SMARCAL1: variants seen among roughly 807,000 people sequenced by gnomAD.
SMARCAL1 encodes ATP-driven annealing helicase.
A neutral mutation model predicts 94.5 loss-of-function variants in SMARCAL1; 58 were observed. The observed-to-expected ratio is 0.61, with a 90% confidence interval of 0.50 to 0.76. The LOEUF (loss-of-function observed/expected upper bound fraction) is 0.76. Among genes scored for constraint, SMARCAL1 ranks in the 30% least tolerant of loss-of-function variants. The pLI is 0.00. For synonymous variants in SMARCAL1, 422 were observed against 455.1 expected, an observed-to-expected ratio of 0.93 and a Z score of 0.93; for missense variants, 1,051 against 1,177.9, an observed-to-expected ratio of 0.89 and a Z score of 1.58.
At chr2:216,439,550 A>G (rs905735497) in intron 10 of SMARCAL1, among the ~76,000 whole-genome samples, 2 of 152,194 alleles carry the variant, frequency 1.3e-5, no homozygotes, top group African/African-American at 4.8e-5. Flanking sequence ...TTATTGATTA[A>G]AAGAAGCTTT....
Position 216,435,506 on chromosome 2 carries a change from T to A in SMARCAL1, c.1644+10T>A. ...TAAAGTTGTCATCATTGTAAGAAAC[T>A]TGGCAAAGTCTTTAAGTACTTTATC... is the stretch of plus-strand genomic sequence containing the variant. On this transcript the variant is annotated intron_variant, in intron 9 of 17. Coordinates refer to ENST00000357276, the MANE Select transcript of SMARCAL1 (RefSeq NM_014140.4). 6.2e-7 allele frequency: 1 copy of A among 1,613,272 alleles called. No homozygotes were observed. The highest frequency in any genetic ancestry group is 8.5e-7 in the Non-Finnish European group (1 of 1,179,200).
At chr2:216,438,720 C>T (rs1694131710) in intron 10 of SMARCAL1, among the ~76,000 whole-genome samples, 1 of 152,128 alleles carries the variant, frequency 6.6e-6, no homozygotes, top group Admixed American at 6.5e-5. Flanking sequence ...GTCAGTAGTG[C>T]TGCCTTTGTC....
intron 10 of SMARCAL1, among the ~76,000 whole-genome samples, chr2:216,439,303 C>G: frequency 6.9e-6 from 1 of 145,126 alleles, no homozygotes; most frequent in South Asian, 2.2e-4. Flanking sequence ...AGAGGGTAGT[C>G]CTCCAAATTT....
chr2:216,415,643 T>C (rs1444413962), intron 3 of SMARCAL1, 128 bp downstream of exon 3: 1 of 928,380 alleles, frequency 1.1e-6, no homozygotes, highest in South Asian at 1.5e-5. Context: ...TTGTTAAAAA[T>C]TTTTCAATTT....
chr2:216,428,071 T>C (rs1693876986), intron 6 of SMARCAL1, among the ~76,000 whole-genome samples: 1 of 152,204 alleles, frequency 6.6e-6, no homozygotes, highest in Non-Finnish European at 1.5e-5. Flanking sequence ...AAATAATGGC[T>C]ACTCTTCTAA....
intron 10 of SMARCAL1, among the ~76,000 whole-genome samples, chr2:216,442,644 G>T (rs1324634359): frequency 6.6e-6 from 1 of 152,054 alleles, no homozygotes; most frequent in East Asian, 1.9e-4. Context: ...TTTTACACTT[G>T]CCTTTATCCC....
intron 10 of SMARCAL1, among the ~76,000 whole-genome samples, chr2:216,445,984 C>G (rs762117524): frequency 4.6e-5 from 7 of 152,162 alleles, no homozygotes; most frequent in Non-Finnish European, 8.8e-5. Flanking sequence ...GTCATTAACT[C>G]AAGGTTACAG....
At chr2:216,449,928 C>T (rs150868512) in intron 11 of SMARCAL1, among the ~76,000 whole-genome samples, 2,117 of 152,090 alleles carry the variant, frequency 0.014, 57 homozygotes, top group African/African-American at 0.049. Flanking sequence ...ACCTCTGCCT[C>T]CCAGGTTCAA....
intron 13 of SMARCAL1, among the ~76,000 whole-genome samples, chr2:216,466,750 C>A (rs1309525259): frequency 6.6e-6 from 1 of 152,136 alleles, no homozygotes; most frequent in Non-Finnish European, 1.5e-5. Flanking sequence ...CTTTTTGATG[C>A]TGTAGCCGTA....
At chr2:216,449,497 G>C (rs1416869700) in intron 11 of SMARCAL1, among the ~76,000 whole-genome samples, 1 of 152,056 alleles carries the variant, frequency 6.6e-6, no homozygotes, top group African/African-American at 2.4e-5. Context: ...GAAGGCATTT[G>C]CTGAGAACTT....
intron 12 of SMARCAL1, among the ~76,000 whole-genome samples, chr2:216,455,579 G>A (rs937295762): frequency 5.9e-5 from 9 of 152,324 alleles, no homozygotes; most frequent in East Asian, 1.9e-4. Flanking sequence ...TGCTGATACC[G>A]AGCCAAACAG....
At chr2:216,431,949 G>T (rs567474142) in intron 7 of SMARCAL1, among the ~76,000 whole-genome samples, 11 of 152,136 alleles carry the variant, frequency 7.2e-5, no homozygotes, top group African/African-American at 2.4e-4. Context: ...CTGCCTTTAT[G>T]CATACTGAGT....
chr2:216,451,480 A>G (rs550652447), intron 12 of SMARCAL1: 22 of 204,178 alleles, frequency 1.1e-4, no homozygotes, highest in Admixed American at 6.3e-4. Context: ...CATTTGTGTT[A>G]GTCAAAATAA....
chr2:216,442,773 T>G (rs1275771449), intron 10 of SMARCAL1, among the ~76,000 whole-genome samples: 1 of 152,244 alleles, frequency 6.6e-6, no homozygotes, highest in African/African-American at 2.4e-5. Context: ...TCTCTTTTGA[T>G]GGATTTGTAA....
At chr2:216,455,141 C>T (rs1195366778) in intron 12 of SMARCAL1, among the ~76,000 whole-genome samples, 1 of 152,186 alleles carries the variant, frequency 6.6e-6, no homozygotes, top group East Asian at 1.9e-4. Context: ...AAGGCAGCAG[C>T]GAGGCTGGGG....
At chr2:216,426,295 C>T (rs1467724721) in intron 6 of SMARCAL1, among the ~76,000 whole-genome samples, 2 of 152,214 alleles carry the variant, frequency 1.3e-5, no homozygotes, top group African/African-American at 4.8e-5. Flanking sequence ...AGGACATTTA[C>T]AGCATTAGTA....
At chr2:216,425,827 G>A (rs1463357535) in intron 6 of SMARCAL1, among the ~76,000 whole-genome samples, 1 of 152,156 alleles carries the variant, frequency 6.6e-6, no homozygotes, top group Admixed American at 6.5e-5. Context: ...AGCACCATTC[G>A]ATTGGCTAAA....
In SMARCAL1 at chr2:216,416,241, C is replaced by CT; in HGVS notation, c.812-15dup. The CT allele has an allele frequency of 6.2e-7, 1 of 1,612,198 alleles. No individual in the cohort carries two copies. Among genetic ancestry groups the CT allele is most frequent in the Non-Finnish European group, 8.5e-7 (1 of 1,178,456 alleles). On this transcript the variant is annotated splice_polypyrimidine_tract_variant and intron_variant, in intron 3 of 17. Transcript: ENST00000357276. ...TACAAATTGTCAACAGTCATCAGTC[C>CT]TCTGTTTTGTTTCAGATCCTGACAC...
At chr2:216,465,528 C>G (rs932717481) in intron 13 of SMARCAL1, among the ~76,000 whole-genome samples, 2 of 152,240 alleles carry the variant, frequency 1.3e-5, no homozygotes, top group African/African-American at 2.4e-5. Context: ...ACGCCTAGTT[C>G]TATTTCCACC....
Sources: gnomAD v4.1 joint callset for allele counts (sites outside exome capture counted in the v4.1 genomes callset) on GRCh38, gnomAD v4.1.1 for gene constraint, MANE v1.5 for transcripts, NCBI Gene and HGNC (gene_info 2026-07-23, HGNC 2026-07-21) for gene names.